Variants in FBXO28 observed in about 807,000 individuals in gnomAD.
FBXO28 encodes the protein F-box protein 28, also known as F-box only protein 28.
In FBXO28, 8 loss-of-function variants were observed where a neutral mutation model predicts 38.1. That is an observed-to-expected ratio of 0.21 (90% CI 0.12 to 0.38). The LOEUF (loss-of-function observed/expected upper bound fraction) is 0.38, where lower values mean the gene tolerates loss of function less well. Ranked by LOEUF, FBXO28 falls within the 10% of genes least tolerant of loss-of-function variation. The pLI is 1.00. For synonymous variants in FBXO28, 168 were observed against 173.8 expected (o/e 0.97, Z 0.26); for missense variants, 345 against 460.6 (o/e 0.75, Z 2.30).
At chr1:224,123,269 C>T (rs1454772161) in intron 1 of FBXO28, among the ~76,000 whole-genome samples, 7 of 151,502 alleles carry the variant, frequency 4.6e-5, no homozygotes, top group African/African-American at 4.9e-5. Context: ...TCCAGCTGGG[C>T]GCAGTGGTTC....
At chr1:224,147,800 C>T (rs1051776344) in intron 3 of FBXO28, among the ~76,000 whole-genome samples, 2 of 143,492 alleles carry the variant, frequency 1.4e-5, no homozygotes, top group African/African-American at 2.6e-5. Context: ...AAACTCATAC[C>T]ATTACATTCT....
At chr1:224,128,471 CAA>C (rs1317695682) in intron 1 of FBXO28, among the ~76,000 whole-genome samples, 1 of 151,746 alleles carries the variant, frequency 6.6e-6, no homozygotes, top group African/African-American at 2.4e-5. Flanking sequence ...CTAAGATAAA[CAA>C]AGTTTATTTA....
chr1:224,147,339 C>T (rs905685574), intron 3 of FBXO28, among the ~76,000 whole-genome samples: 2 of 150,558 alleles, frequency 1.3e-5, no homozygotes, highest in Non-Finnish European at 2.9e-5. Flanking sequence ...AGGAGAATCA[C>T]TTGAACCCCG....
chr1:224,143,727 T>G (rs780086119), intron 3 of FBXO28, among the ~76,000 whole-genome samples: 22 of 151,698 alleles, frequency 1.5e-4, no homozygotes, highest in Non-Finnish European at 2.1e-4. Context: ...TCCCAGCTAC[T>G]TGGGAGGCTG....
Position 224,135,975 on chromosome 1 carries a change from C to G in FBXO28, c.516+1763C>G, listed in dbSNP as rs561584499. ...ACTTGAACCAGGCAGTCAGAGGTTGCAGTGAGCCGAGATCATGCCACTGCA... is the reference window on the plus strand; with the variant it reads ...ACTTGAACCAGGCAGTCAGAGGTTGGAGTGAGCCGAGATCATGCCACTGCA... On this transcript the variant is annotated intron_variant, in intron 3 of 4. Coordinates refer to ENST00000366862, the MANE Select transcript of FBXO28 (RefSeq NM_015176.4). 1.2e-4 allele frequency among the ~76,000 whole-genome samples: 19 copies of G among 152,032 alleles called. 1 individual carries two copies. In the East Asian group the frequency reaches 3.7e-3, roughly 30 times the overall value.
Position 224,135,630 on chromosome 1 carries a change from A to AAAAAAGAAAAAG in FBXO28, c.516+1430_516+1441dup, listed in dbSNP as rs1553290017. ...CTGTCTCAAAAAAAAAAAAAAAAAA[A>AAAAAAGAAAAAG]AAAAAGAAAAAGAAAAAGAAAAATT... On this transcript the variant is annotated intron_variant, in intron 3 of 4. Transcript: ENST00000366862. Among the ~76,000 whole-genome samples the AAAAAAGAAAAAG allele has an allele frequency of 2.7e-3, 313 of 115,620 alleles. 7 individuals carry two copies. The highest frequency in any genetic ancestry group is 3.1e-3 in the Non-Finnish European group (181 of 58,250). The allele number at this position is 115,620 out of a possible 152,430, so 75.9% of individuals were successfully genotyped here.
intron 1 of FBXO28, among the ~76,000 whole-genome samples, chr1:224,129,759 G>A (rs1266498120): frequency 1.3e-5 from 2 of 152,174 alleles, no homozygotes; most frequent in South Asian, 2.1e-4. Context: ...GGAGGCCGAG[G>A]CAGGCGGATC....
intron 3 of FBXO28, among the ~76,000 whole-genome samples, chr1:224,151,000 A>G (rs1342066228): frequency 6.6e-6 from 1 of 152,182 alleles, no homozygotes; most frequent in Non-Finnish European, 1.5e-5. Context: ...GGCTTACGTA[A>G]TTAAATTGTA....
At chr1:224,157,312 C>T (rs750969445) in intron 4 of FBXO28, 40 bp from the exon 5 acceptor site, 3 of 1,542,050 alleles carry the variant, frequency 1.9e-6, no homozygotes, top group Admixed American at 4.2e-5. Flanking sequence ...GGTAGAGAGA[C>T]ATTTTAAGTG....
chr1:224,143,761 G>A (rs746472596), intron 3 of FBXO28, among the ~76,000 whole-genome samples: 49 of 150,428 alleles, frequency 3.3e-4, no homozygotes, highest in East Asian at 5.9e-4. Context: ...GCATGAACCC[G>A]GGAGGCGGAG....
Position 224,120,990 on chromosome 1 carries a change from G to T in FBXO28, c.267+6594G>T, listed in dbSNP as rs955635168. The stretch of plus-strand genomic sequence containing the variant: ...TATTTACTTCCAAGAGAGGAGATTA[G>T]AACTTTTTTTTTTTACATTTTTCAT... On this transcript the variant is annotated intron_variant, in intron 1 of 4. Transcript: ENST00000366862. Among the ~76,000 whole-genome samples the T allele has an allele frequency of 6.6e-5, 10 of 151,518 alleles. 1 individual carries two copies. Among genetic ancestry groups the T allele is most frequent in the Admixed American group, 6.6e-4 (10 of 15,184 alleles).
In FBXO28 at chr1:224,139,752, A is replaced by ACATGCATG. The variant is rs56730196; in HGVS notation, c.516+5548_516+5555dup. 8.2e-4 allele frequency among the ~76,000 whole-genome samples: 90 copies of ACATGCATG among 109,724 alleles called. 1 individual carries two copies. Among genetic ancestry groups the ACATGCATG allele is most frequent in the Admixed American group, 1.8e-3 (20 of 11,404 alleles). 72.0% of individuals were successfully genotyped at this position (109,724 alleles called of 152,430 possible). On this transcript the variant is annotated intron_variant, in intron 3 of 4. Coordinates refer to ENST00000366862, the MANE Select transcript of FBXO28 (RefSeq NM_015176.4). ...GAGACTTCGTCTGAAATAAATACAT[A>ACATGCATG]CATGCATGCATGCATACATACATAC...
intron 1 of FBXO28, among the ~76,000 whole-genome samples, chr1:224,126,236 A>G (rs921711990): frequency 1.3e-5 from 2 of 152,160 alleles, no homozygotes; most frequent in Non-Finnish European, 2.9e-5. Flanking sequence ...CAGCACTCAT[A>G]TTCGAGTTTA....
At chr1:224,145,411 A>G (rs553200303) in intron 3 of FBXO28, among the ~76,000 whole-genome samples, 1 of 151,886 alleles carries the variant, frequency 6.6e-6, no homozygotes, top group African/African-American at 2.4e-5. Context: ...TTAGCCTATG[A>G]TAAAATTGGT....
Position 224,150,340 on chromosome 1 carries a change from T to A in FBXO28, c.517-2802T>A, listed in dbSNP as rs576925339. Among the ~76,000 whole-genome samples, 8 of 152,254 alleles carry A rather than the reference T, an allele frequency of 5.3e-5. No individual in the cohort carries two copies. In the South Asian group the frequency reaches 1.7e-3, roughly 32 times the overall value. On this transcript the variant is annotated intron_variant, in intron 3 of 4. Coordinates refer to ENST00000366862, the MANE Select transcript of FBXO28 (RefSeq NM_015176.4). ...CGTCTGAAAAAATTATGGAGTACTG[T>A]GGTACTTTTCCTATATATAACCCAT...
chr1:224,156,775 A>G lies in FBXO28; in HGVS notation c.713-577A>G, dbSNP rs1031569298. On this transcript the variant is annotated intron_variant, in intron 4 of 4. Coordinates refer to ENST00000366862, the MANE Select transcript of FBXO28 (RefSeq NM_015176.4). The stretch of plus-strand genomic sequence containing the variant: ...AGCACTTCGGGAGGCCGAGGCAGGC[A>G]GATCATGAGGTCAGGAGATCCACAC... Among the ~76,000 whole-genome samples the G allele has an allele frequency of 8.6e-5, 13 of 150,392 alleles. No homozygotes were observed. The East Asian group carries it at 2.6e-3, about 30-fold the overall frequency.
intron 3 of FBXO28, among the ~76,000 whole-genome samples, chr1:224,144,134 A>G (rs1657438440): frequency 7.1e-6 from 1 of 141,710 alleles, no homozygotes; most frequent in African/African-American, 2.6e-5. Flanking sequence ...AGCCTGGGAA[A>G]CAGAATGAAA....
chr1:224,132,374 G>A (rs115233707), intron 2 of FBXO28, among the ~76,000 whole-genome samples: 347 of 152,288 alleles, frequency 2.3e-3, no homozygotes, highest in African/African-American at 7.8e-3. Context: ...AAACCACTAC[G>A]AGATTTATAT....
chr1:224,157,619 T>G lies in FBXO28; in HGVS notation c.980T>G (p.Val327Gly). ...LAELERKLRE[V>G]MESAVGNSSG... ...GAGCTAGAACGCAAACTACGAGAAGTAATGGAAAGTGCTGTAGGAAATTCC... is the reference window on the plus strand; with the variant it reads ...GAGCTAGAACGCAAACTACGAGAAGGAATGGAAAGTGCTGTAGGAAATTCC... The change falls in exon 5 of 5, where the codon GTA becomes GGA. Residue 327 changes from valine (V) to glycine (G), a missense_variant. Physicochemically the swap from Val to Gly is moderately radical, Grantham distance 109. Around this residue, in one of 6 missense-constraint regions of FBXO28, gnomAD observed 151 missense variants for 188.3 expected, o/e 0.80. Transcript: ENST00000366862. 6.2e-7 allele frequency: 1 copy of G among 1,614,120 alleles called. No homozygotes were observed. The highest frequency in any genetic ancestry group is 8.5e-7 in the Non-Finnish European group (1 of 1,180,018).
Sources: gnomAD v4.1 joint callset for allele counts (sites outside exome capture counted in the v4.1 genomes callset) on GRCh38, gnomAD v4.1.1 for gene constraint, gnomAD v4.1.1 regional missense constraint, MANE v1.5 for transcripts, NCBI Gene and HGNC (gene_info 2026-07-23, HGNC 2026-07-21) for gene names.